MITF: variants seen among roughly 807,000 people sequenced by gnomAD.
MITF encodes microphthalmia-associated transcription factor.
In MITF, 17 loss-of-function variants were observed where a neutral mutation model predicts 60.5. The observed-to-expected ratio is 0.28, with a 90% CI of 0.19 to 0.42. The LOEUF is 0.42. MITF is among the 10% of genes least tolerant of loss of function. The probability of loss-of-function intolerance (pLI) is 1.00; values close to 1 mark genes in which losing one functional copy is unlikely to be tolerated. For synonymous variants in MITF, 260 were observed against 248.5 expected, an observed-to-expected ratio of 1.05 and a Z score of -0.43; for missense variants, 622 against 683.5, an observed-to-expected ratio of 0.91 and a Z score of 1.00.
intron 1 of MITF, among the ~76,000 whole-genome samples, chr3:69,776,252 C>T (rs996625420): frequency 2.0e-5 from 3 of 152,160 alleles, no homozygotes; most frequent in African/African-American, 7.2e-5. Flanking sequence ...TACCAGCTAC[C>T]TTCAGAATTA....
intron 7 of MITF, among the ~76,000 whole-genome samples, chr3:69,954,754 T>C (rs1453552865): frequency 6.6e-6 from 1 of 152,254 alleles, no homozygotes; most frequent in African/African-American, 2.4e-5. Context: ...TTAGGGTTTC[T>C]ATTTTATACA....
At chr3:69,788,172 A>G (rs2062682199) in intron 1 of MITF, among the ~76,000 whole-genome samples, 1 of 149,826 alleles carries the variant, frequency 6.7e-6, no homozygotes, top group African/African-American at 2.5e-5. Context: ...TTTAGGGTAC[A>G]TGTGCACAAT....
At chr3:69,815,889 G>A (rs1033753535) in intron 1 of MITF, among the ~76,000 whole-genome samples, 6 of 152,064 alleles carry the variant, frequency 3.9e-5, no homozygotes, top group African/African-American at 1.2e-4. Context: ...TTCTTTCAAG[G>A]GCTGTCTTTA....
chr3:69,966,072 T>A lies in MITF; in HGVS notation c.*824T>A, dbSNP rs114659118. 3,150 of 232,674 alleles carry A rather than the reference T, an allele frequency of 0.014. 81 individuals are homozygous for A. The highest frequency in any genetic ancestry group is 0.064 in the African/African-American group (2,898 of 45,408). The allele number at this position is 232,674 out of a possible 1,614,324, so 14.4% of individuals were successfully genotyped here. The stretch of plus-strand genomic sequence containing the variant: ...CTGAAAGTATGTTTTACTTTTTTTT[T>A]ATTTTATTTTTGCTTTTGATAAGAA... On this transcript the variant is annotated 3_prime_UTR_variant, in exon 10 of 10. Coordinates refer to ENST00000352241, the MANE Select transcript of MITF (RefSeq NM_001354604.2).
At chr3:69,907,098 G>C (rs534591618) in intron 2 of MITF, among the ~76,000 whole-genome samples, 1 of 152,238 alleles carries the variant, frequency 6.6e-6, no homozygotes, top group South Asian at 2.1e-4. Context: ...AATAGAGCTA[G>C]TGTTTGATCC....
chr3:69,876,700 AG>A (rs1449673677), intron 1 of MITF, among the ~76,000 whole-genome samples: 1 of 152,104 alleles, frequency 6.6e-6, no homozygotes, highest in African/African-American at 2.4e-5. Context: ...TGAAGGAAAG[AG>A]GGTTTGTGTT....
At chr3:69,902,624 G>T (rs992540654) in intron 2 of MITF, among the ~76,000 whole-genome samples, 2 of 152,082 alleles carry the variant, frequency 1.3e-5, no homozygotes, top group African/African-American at 4.8e-5. Context: ...CCAGCCTGAG[G>T]CTCTTTTTCC....
At chr3:69,832,109 A>G (rs1270480012) in intron 1 of MITF, among the ~76,000 whole-genome samples, 2 of 152,166 alleles carry the variant, frequency 1.3e-5, no homozygotes, top group South Asian at 2.1e-4. Flanking sequence ...AATACAATAC[A>G]TGTCATTTTG....
chr3:69,805,714 A>G (rs948425355), intron 1 of MITF, among the ~76,000 whole-genome samples: 4 of 152,128 alleles, frequency 2.6e-5, no homozygotes, highest in Non-Finnish European at 5.9e-5. Flanking sequence ...GCTGGAGTGC[A>G]GTGGCATGAT....
In MITF at chr3:69,827,237, A is replaced by G. The variant is rs945972743; in HGVS notation, c.105-51897A>G. ...ATTCAGCTTTACCCTCAAGTCTTCA[A>G]CAGACACTGTGGTGCAGGCTTTTCT... On this transcript the variant is annotated intron_variant, in intron 1 of 9. Coordinates refer to ENST00000352241, the MANE Select transcript of MITF (RefSeq NM_001354604.2). Among the ~76,000 whole-genome samples, 5 of 152,330 alleles carry G rather than the reference A, an allele frequency of 3.3e-5. No homozygotes were observed. In the East Asian group the frequency reaches 7.7e-4, roughly 23 times the overall value.
At chr3:69,797,917 G>T (rs1446792178) in intron 1 of MITF, among the ~76,000 whole-genome samples, 1 of 152,222 alleles carries the variant, frequency 6.6e-6, no homozygotes, top group East Asian at 1.9e-4. Context: ...GTACATTTTA[G>T]ATGTTTATGG....
chr3:69,942,383 C>A (rs1176474966), intron 5 of MITF, among the ~76,000 whole-genome samples: 2 of 152,080 alleles, frequency 1.3e-5, no homozygotes, highest in Admixed American at 1.3e-4. Context: ...GTAGTAAATT[C>A]CCTTGGCCAA....
chr3:69,959,194 A>T (rs1237895867), intron 8 of MITF, 79 bp from the exon 9 acceptor site: 21 of 1,535,282 alleles, frequency 1.4e-5, no homozygotes, highest in Non-Finnish European at 1.8e-5. Flanking sequence ...GTTCAAAAAG[A>T]AATGGAGTGC....
chr3:69,905,709 T>C (rs2065084344), intron 2 of MITF, among the ~76,000 whole-genome samples: 2 of 151,874 alleles, frequency 1.3e-5, no homozygotes, highest in Admixed American at 6.6e-5. Flanking sequence ...TACTATCTCA[T>C]TGTGTGTTTT....
chr3:69,934,359 T>C (rs1247193633), intron 2 of MITF, among the ~76,000 whole-genome samples: 1 of 152,220 alleles, frequency 6.6e-6, no homozygotes, highest in Non-Finnish European at 1.5e-5. Context: ...ATCGTGTGTT[T>C]TCAAAAATTC....
At chr3:69,963,711 A>G (rs530799168) in intron 9 of MITF, among the ~76,000 whole-genome samples, 8 of 152,122 alleles carry the variant, frequency 5.3e-5, no homozygotes, top group Non-Finnish European at 1.2e-4. Context: ...TTTTCCTTCA[A>G]TCACAGCAAC....
chr3:69,832,605 C>T (rs769744021), intron 1 of MITF, among the ~76,000 whole-genome samples: 6 of 152,168 alleles, frequency 3.9e-5, no homozygotes, highest in African/African-American at 9.7e-5. Context: ...TGACATTGTA[C>T]GCAATTGTTT....
intron 6 of MITF, among the ~76,000 whole-genome samples, chr3:69,950,132 A>C (rs2066205360): frequency 6.6e-6 from 1 of 152,182 alleles, no homozygotes; most frequent in East Asian, 1.9e-4. Context: ...CAACAACAAC[A>C]AAAGCAAGAA....
At chr3:69,772,110 C>T (rs1247353627) in intron 1 of MITF, among the ~76,000 whole-genome samples, 1 of 152,048 alleles carries the variant, frequency 6.6e-6, no homozygotes, top group Non-Finnish European at 1.5e-5. Flanking sequence ...GGATGCAAAC[C>T]TTTATTGGGT....
Sources: allele counts gnomAD v4.1 joint callset (sites outside exome capture counted in the v4.1 genomes callset), GRCh38; gene constraint gnomAD v4.1.1; transcripts MANE v1.5; gene names NCBI Gene and HGNC (gene_info 2026-07-23, HGNC 2026-07-21).